The following TPD52 variants were observed in gnomAD, a reference collection of about 807,000 sequenced individuals.
The protein encoded by TPD52 is prostate and colon associated protein.
Under a neutral mutation model 31.3 loss-of-function variants are expected in TPD52, and 17 were observed. That is an observed-to-expected ratio of 0.54 (90% CI 0.37 to 0.82). TPD52 has a LOEUF of 0.82. TPD52 is among the 40% of genes least tolerant of loss of function. TPD52 has a pLI of 0.00. For synonymous variants in TPD52, 83 were observed against 89.6 expected (o/e 0.93, Z 0.42); for missense variants, 212 against 240.1 (o/e 0.88, Z 0.77).
At chr8:80,161,181 A>T (rs1232295312) in intron 1 of TPD52, among the ~76,000 whole-genome samples, 1 of 152,246 alleles carries the variant, frequency 6.6e-6, no homozygotes, top group Admixed American at 6.5e-5. Context: ...CAAGAATAAA[A>T]ATTTAACCAA....
At chr8:80,131,273 C>T (rs563431309) in intron 1 of TPD52, among the ~76,000 whole-genome samples, 36 of 152,334 alleles carry the variant, frequency 2.4e-4, no homozygotes, top group African/African-American at 7.9e-4. Flanking sequence ...GTCAGTCCAA[C>T]GATTCCATCT....
At chr8:80,087,982 C>T (rs1011436222) in intron 1 of TPD52, among the ~76,000 whole-genome samples, 1 of 152,212 alleles carries the variant, frequency 6.6e-6, no homozygotes, top group African/African-American at 2.4e-5. Flanking sequence ...CTCAGCTAAT[C>T]CTCAAAACCT....
intron 1 of TPD52, among the ~76,000 whole-genome samples, chr8:80,084,053 A>G (rs190823423): frequency 6.6e-6 from 1 of 152,162 alleles, no homozygotes; most frequent in East Asian, 1.9e-4. Context: ...CTTCATTTCC[A>G]TTGTCCTCAT....
At chr8:80,154,769 CT>C (rs1418774688) in intron 1 of TPD52, among the ~76,000 whole-genome samples, 12 of 148,624 alleles carry the variant, frequency 8.1e-5, no homozygotes, top group African/African-American at 3.0e-4. Context: ...CCTACATTAG[CT>C]TTGAAGTAGC....
chr8:80,100,712 G>A lies in TPD52; in HGVS notation c.20-36119C>T, dbSNP rs140344635. On this transcript the variant is annotated intron_variant, in intron 1 of 7. Transcript: ENST00000518937. Reference sequence around the variant, plus strand: ...AAGCTGGAGACCCAGAAGAAACTGTGGCATTAGATTCTAGTTCAAGCCTGG... The same window carrying A: ...AAGCTGGAGACCCAGAAGAAACTGTAGCATTAGATTCTAGTTCAAGCCTGG... Among the ~76,000 whole-genome samples the A allele has an allele frequency of 2.3e-3, 355 of 152,330 alleles. 9 individuals are homozygous for A. Among genetic ancestry groups the A allele is most frequent in the Admixed American group, 0.02 (302 of 15,306 alleles).
intron 1 of TPD52, among the ~76,000 whole-genome samples, chr8:80,116,220 C>A (rs1001028131): frequency 2.6e-5 from 4 of 152,114 alleles, no homozygotes; most frequent in Admixed American, 1.3e-4. Flanking sequence ...AGTTATGGAA[C>A]ACTATGTGGT....
intron 1 of TPD52, among the ~76,000 whole-genome samples, chr8:80,108,203 G>A (rs903707430): frequency 7.2e-5 from 11 of 152,062 alleles, no homozygotes; most frequent in African/African-American, 2.7e-4. Flanking sequence ...AGTAAATTTT[G>A]GAGTGGCATT....
chr8:80,103,008 T>G (rs1024459236), intron 1 of TPD52, among the ~76,000 whole-genome samples: 1 of 152,216 alleles, frequency 6.6e-6, no homozygotes, highest in African/African-American at 2.4e-5. Context: ...GGAAGCTCCA[T>G]GCCCCTTCTC....
At chr8:80,102,339 C>G (rs1056436693) in intron 1 of TPD52, among the ~76,000 whole-genome samples, 1 of 152,202 alleles carries the variant, frequency 6.6e-6, no homozygotes, top group African/African-American at 2.4e-5. Flanking sequence ...CTTTATGGAC[C>G]TGATCACTAC....
chr8:80,080,633 C>T lies in TPD52; in HGVS notation c.20-16040G>A, dbSNP rs143062658. The T allele has an allele frequency of 8.6e-3, 11,629 of 1,348,402 alleles. 69 individuals carry two copies. The highest frequency in any genetic ancestry group is 0.01 in the Non-Finnish European group (10,590 of 1,051,860). 83.5% of individuals were successfully genotyped at this position (1,348,402 alleles called of 1,614,324 possible). ...ATTTCCTTTTGGGAGCCTTCACGCC[C>T]CTCCTGATAAGCAGACCTATTTAAT... On this transcript the variant is annotated intron_variant, in intron 1 of 7. Transcript: ENST00000518937.
chr8:80,121,261 T>C lies in TPD52; in HGVS notation c.19+50164A>G, dbSNP rs570999999. 9.9e-5 allele frequency among the ~76,000 whole-genome samples: 15 copies of C among 151,908 alleles called. No homozygotes were observed. The South Asian group carries it at 2.5e-3, about 25-fold the overall frequency. On this transcript the variant is annotated intron_variant, in intron 1 of 7. Coordinates refer to ENST00000518937, the MANE Select transcript of TPD52 (RefSeq NM_001025253.3). ...ATAATCATGTTAACACTAAGGGTTA[T>C]TTAAGGTGAACACAGCAAAACTGCT...
At chr8:80,047,347 AATT>A (rs1810962852) in intron 5 of TPD52, among the ~76,000 whole-genome samples, 1 of 152,162 alleles carries the variant, frequency 6.6e-6, no homozygotes, top group Non-Finnish European at 1.5e-5. Flanking sequence ...TATAAATGTT[AATT>A]ATTATTATAA....
At chr8:80,041,734 A>G (rs1249994171) in intron 7 of TPD52, among the ~76,000 whole-genome samples, 1 of 146,594 alleles carries the variant, frequency 6.8e-6, no homozygotes, top group Admixed American at 6.6e-5. Context: ...AACGATCATC[A>G]TGGCATCATT....
At chr8:80,146,919 C>G (rs1810236663) in intron 1 of TPD52, among the ~76,000 whole-genome samples, 1 of 152,164 alleles carries the variant, frequency 6.6e-6, no homozygotes, top group Non-Finnish European at 1.5e-5. Flanking sequence ...AATGTGGTCC[C>G]TGAACCAGCA....
intron 2 of TPD52, among the ~76,000 whole-genome samples, chr8:80,060,971 T>C (rs1812458258): frequency 6.6e-6 from 1 of 152,154 alleles, no homozygotes; most frequent in African/African-American, 2.4e-5. Context: ...CCAAAGCAGT[T>C]AGACAAGAAA....
At chr8:80,041,140 CA>C (rs1227113782) in intron 7 of TPD52, among the ~76,000 whole-genome samples, 1 of 152,086 alleles carries the variant, frequency 6.6e-6, no homozygotes, top group East Asian at 1.9e-4. Context: ...AGGCGCCTGT[CA>C]GGGGGTGGGA....
intron 1 of TPD52, among the ~76,000 whole-genome samples, chr8:80,081,950 C>A (rs1396234360): frequency 6.6e-6 from 1 of 151,996 alleles, no homozygotes; most frequent in Admixed American, 6.6e-5. Context: ...ATTACAGGCA[C>A]CCACCACCCA....
chr8:80,078,364 A>G (rs918698726), intron 1 of TPD52, among the ~76,000 whole-genome samples: 1 of 152,270 alleles, frequency 6.6e-6, no homozygotes, highest in African/African-American at 2.4e-5. Context: ...TGATTAAGAA[A>G]ATACATAGTG....
intron 1 of TPD52, among the ~76,000 whole-genome samples, chr8:80,068,920 A>C (rs957534887): frequency 1.3e-5 from 2 of 152,208 alleles, no homozygotes; most frequent in Non-Finnish European, 2.9e-5. Flanking sequence ...AATTTGCAAA[A>C]TGGCTTAGAA....
Sources: gnomAD v4.1 joint callset for allele counts (sites outside exome capture counted in the v4.1 genomes callset) on GRCh38, gnomAD v4.1.1 for gene constraint, MANE v1.5 for transcripts, NCBI Gene and HGNC (gene_info 2026-07-23, HGNC 2026-07-21) for gene names.